Variants in NEBL observed in about 807,000 individuals in gnomAD.
The protein encoded by NEBL is nebulette.
NEBL carries 122 observed loss-of-function variants against 140.2 expected under a neutral mutation model. The ratio of observed to expected loss-of-function variants is 0.87; its 90% CI spans 0.75 to 1.01. NEBL has a LOEUF of 1.01. NEBL is among the 50% of genes least tolerant of loss of function. The pLI is 0.00. For synonymous variants in NEBL, 436 were observed against 398.9 expected, an observed-to-expected ratio of 1.09 and a Z score of -1.11; for missense variants, 1,365 against 1,231.3, an observed-to-expected ratio of 1.11 and a Z score of -1.62.
intron 3 of NEBL, among the ~76,000 whole-genome samples, chr10:21,011,070 T>A (rs556302607): frequency 6.6e-6 from 1 of 152,304 alleles, no homozygotes; most frequent in Non-Finnish European, 1.5e-5. Context: ...GTTCTTTTAT[T>A]GCTACATTGA....
chr10:20,887,833 G>A (rs1300568048), intron 4 of NEBL, among the ~76,000 whole-genome samples: 1 of 152,178 alleles, frequency 6.6e-6, no homozygotes, highest in East Asian at 1.9e-4. Context: ...CATGTAAGCT[G>A]TCTAAATGAG....
At chr10:21,029,928 G>A in intron 2 of NEBL, 1 of 589,626 alleles carries the variant, frequency 1.7e-6, no homozygotes, top group East Asian at 3.3e-5. Context: ...ATGATGGGTC[G>A]TGCAGCTCCA....
intron 2 of NEBL, among the ~76,000 whole-genome samples, chr10:21,020,796 C>G (rs1838760526): frequency 6.6e-6 from 1 of 152,140 alleles, no homozygotes; most frequent in Admixed American, 6.5e-5. Context: ...TCCCTGTCTC[C>G]TGCAGGCTCC....
chr10:21,031,614 C>A (rs1833797773), intron 2 of NEBL, among the ~76,000 whole-genome samples: 1 of 152,214 alleles, frequency 6.6e-6, no homozygotes, highest in South Asian at 2.1e-4. Flanking sequence ...CCTAGAAAAT[C>A]TGAACTGAAG....
intron 5 of NEBL, among the ~76,000 whole-genome samples, chr10:20,873,521 T>A (rs914101757): frequency 6.6e-6 from 1 of 151,182 alleles, no homozygotes; most frequent in Non-Finnish European, 1.5e-5. Flanking sequence ...AAAGAAAGAT[T>A]AAAGAAGAAG....
At chr10:21,179,392 G>A (rs1841352195), upstream of NEBL, among the ~76,000 whole-genome samples, 2 of 152,072 alleles carry the variant, frequency 1.3e-5, no homozygotes, top group South Asian at 4.1e-4. Context: ...TGCTCTGAAG[G>A]GCCCCACAAG....
chr10:20,791,630 A>G (rs867652151), intron 26 of NEBL, among the ~76,000 whole-genome samples: 2 of 152,080 alleles, frequency 1.3e-5, no homozygotes, highest in Non-Finnish European at 2.9e-5. Flanking sequence ...CCCAGTCTCA[A>G]GCAATTATCT....
chr10:21,073,682 C>T (rs1245219593), intron 2 of NEBL, among the ~76,000 whole-genome samples: 1 of 151,894 alleles, frequency 6.6e-6, no homozygotes, highest in Non-Finnish European at 1.5e-5. Context: ...CCCACTGCTC[C>T]CTACTCCCAA....
intron 3 of NEBL, among the ~76,000 whole-genome samples, chr10:21,222,028 C>A (rs779402255): frequency 2.6e-5 from 4 of 151,784 alleles, no homozygotes; most frequent in Non-Finnish European, 5.9e-5. Flanking sequence ...CAAATGGGAG[C>A]CTGTCATTGG....
At chr10:21,045,573 T>G (rs1235744531) in intron 2 of NEBL, among the ~76,000 whole-genome samples, 1 of 152,136 alleles carries the variant, frequency 6.6e-6, no homozygotes, top group Non-Finnish European at 1.5e-5. Context: ...TGAATAGACA[T>G]TTCTCGAAAG....
At chr10:21,097,648 C>T (rs1837254623) in intron 2 of NEBL, among the ~76,000 whole-genome samples, 1 of 152,142 alleles carries the variant, frequency 6.6e-6, no homozygotes, top group Non-Finnish European at 1.5e-5. Flanking sequence ...GTTTCCATGG[C>T]AAGCTACAAG....
Position 21,021,439 on chromosome 10 carries a change from A to C in NEBL, c.165-1238T>G, listed in dbSNP as rs115008697. On this transcript the variant is annotated intron_variant, in intron 2 of 6. Coordinates refer to the NEBL transcript ENST00000417816. ...GGCCCCCATGGCCAGGCCTCTGCAG[A>C]CTTCTCACTGTGAAAACTGCATGCT... Among the ~76,000 whole-genome samples the C allele has an allele frequency of 9.4e-4, 143 of 152,140 alleles. 2 individuals are homozygous for C. Among genetic ancestry groups the C allele is most frequent in the African/African-American group, 3.3e-3 (136 of 41,498 alleles).
rs924538100 is a variant in NEBL at position 20,784,139 on chromosome 10, A to C, written c.*1608T>G. ...TCCTTGAATATAACATATAAGGCAG[A>C]TATCCCCAAGACCCGTACATCTTAG... On this transcript the variant is annotated 3_prime_UTR_variant, in exon 28 of 28. Coordinates refer to ENST00000377122, the MANE Select transcript of NEBL (RefSeq NM_006393.3). 2.0e-5 allele frequency: 3 copies of C among 152,230 alleles called. No individual in the cohort carries two copies. Among genetic ancestry groups the C allele is most frequent in the Non-Finnish European group, 4.4e-5 (3 of 68,040 alleles). The allele number at this position is 152,230 out of a possible 1,614,324, so 9.4% of individuals were successfully genotyped here. A position where few individuals can be genotyped will look rare whatever the true frequency, so the allele number is the denominator to read the frequency against.
chr10:20,939,097 G>A (rs1310696237), intron 4 of NEBL, among the ~76,000 whole-genome samples: 1 of 152,072 alleles, frequency 6.6e-6, no homozygotes, highest in African/African-American at 2.4e-5. Flanking sequence ...ACACCACAAA[G>A]ATACTCCCCA....
chr10:20,868,310 C>CTG (rs3085048), intron 7 of NEBL: 6,670 of 155,836 alleles, frequency 0.043, 273 homozygotes, highest in African/African-American at 0.11. Flanking sequence ...AAGTTAAAAA[C>CTG]TGTGTGTGTG....
intron 4 of NEBL, among the ~76,000 whole-genome samples, chr10:20,929,881 A>G (rs1355770207): frequency 6.6e-6 from 1 of 152,206 alleles, no homozygotes; most frequent in Non-Finnish European, 1.5e-5. Context: ...CAATATATGT[A>G]TTTAACAAAA....
intron 1 of NEBL, among the ~76,000 whole-genome samples, chr10:21,257,570 G>C (rs1842674429): frequency 6.6e-6 from 1 of 152,180 alleles, no homozygotes. Context: ...TTCACAAGAG[G>C]TGACAATCTG....
chr10:21,064,019 C>T (rs1835419458), intron 2 of NEBL, among the ~76,000 whole-genome samples: 1 of 152,100 alleles, frequency 6.6e-6, no homozygotes, highest in Non-Finnish European at 1.5e-5. Flanking sequence ...TTGCAATGAA[C>T]TGAGATCGCG....
intron 4 of NEBL, among the ~76,000 whole-genome samples, chr10:20,916,462 A>C (rs1364168056): frequency 6.6e-6 from 1 of 152,236 alleles, no homozygotes; most frequent in Admixed American, 6.5e-5. Context: ...GTGCAGGTGC[A>C]GTGGCACGAT....
Sources: allele counts gnomAD v4.1 joint callset (sites outside exome capture counted in the v4.1 genomes callset), GRCh38; gene constraint gnomAD v4.1.1; transcripts MANE v1.5; gene names NCBI Gene and HGNC (gene_info 2026-07-23, HGNC 2026-07-21).